ZCCHC24: variants seen among roughly 807,000 people sequenced by gnomAD.
ZCCHC24 encodes the protein zinc finger CCHC-type containing 24.
ZCCHC24 carries 10 observed loss-of-function variants against 26.2 expected under a neutral mutation model. The observed-to-expected ratio is 0.38, with a 90% confidence interval of 0.24 to 0.65. ZCCHC24 has a LOEUF of 0.65. Among genes scored for constraint, ZCCHC24 ranks in the 30% least tolerant of loss-of-function variants. The pLI, the probability that ZCCHC24 is intolerant of heterozygous loss-of-function variation, is 0.54. For missense variants in ZCCHC24, 243 were observed against 329.1 expected, an observed-to-expected ratio of 0.74 and a Z score of 2.03; for synonymous variants, 144 against 147.1, an observed-to-expected ratio of 0.98 and a Z score of 0.15.
rs183453425 is a variant in ZCCHC24 at position 79,405,156 on chromosome 10, G to A, written c.448-10716C>T. ...GCACCACACGCTTAGCTCCAGGAAA[G>A]GCGAGAGACATGATCTTCCCTAGGT... On this transcript the variant is annotated intron_variant, in intron 2 of 3. Coordinates refer to ENST00000372336, the MANE Select transcript of ZCCHC24 (RefSeq NM_153367.4). Among the ~76,000 whole-genome samples the A allele has an allele frequency of 3.1e-3, 354 of 114,978 alleles. 3 individuals are homozygous for A. The highest frequency in any genetic ancestry group is 0.014 in the South Asian group (47 of 3,306). The allele number at this position is 114,978 out of a possible 152,430, so 75.4% of individuals were successfully genotyped here. A position where few individuals can be genotyped will look rare whatever the true frequency, so the allele number is the denominator to read the frequency against.
chr10:79,439,470 A>C (rs1857261752), intron 1 of ZCCHC24, among the ~76,000 whole-genome samples: 1 of 152,198 alleles, frequency 6.6e-6, no homozygotes, highest in Non-Finnish European at 1.5e-5. Flanking sequence ...CCACGTAGAA[A>C]ACATTAACTA....
At chr10:79,420,774 AAAT>A (rs146644258) in intron 2 of ZCCHC24, among the ~76,000 whole-genome samples, 13 of 151,440 alleles carry the variant, frequency 8.6e-5, no homozygotes, top group East Asian at 5.8e-4. Context: ...TTCTATCTCA[AAAT>A]AATAATAATA....
rs1266656209 is a variant in ZCCHC24, at chr10:79,445,188, C to T, written c.246+7G>A. 5.7e-5 allele frequency: 73 copies of T among 1,276,908 alleles called. No individual in the cohort carries two copies. In the Admixed American group the frequency reaches 3.0e-3, roughly 52 times the overall value. 79.1% of individuals were successfully genotyped at this position (1,276,908 alleles called of 1,614,324 possible). ...GGCGGTGGGCGGGGGCGCGCGGGGG[C>T]ACCCACCTCTCCGCGCTGCAGCTGG... On this transcript the variant is annotated splice_region_variant and intron_variant, in intron 1 of 3. Transcript: ENST00000372336.
At chr10:79,424,354 C>T (rs1044990929) in intron 2 of ZCCHC24, among the ~76,000 whole-genome samples, 4 of 152,230 alleles carry the variant, frequency 2.6e-5, no homozygotes, top group African/African-American at 9.6e-5. Flanking sequence ...GGCGAGCCTA[C>T]CTGTTTATGC....
At position 79,392,433 on chromosome 10, in the gene ZCCHC24, T is replaced by C. The variant is rs370642686; in HGVS notation, c.612+1843A>G. ...GAAGCCTTGGATGTGAGGTTCTTCT[T>C]TGCACCATCCAACCCATGAAACTTC... On this transcript the variant is annotated intron_variant, in intron 3 of 3. Transcript: ENST00000372336. Among the ~76,000 whole-genome samples, 194 of 152,214 alleles carry C rather than the reference T, an allele frequency of 1.3e-3. 6 individuals are homozygous for C. The South Asian group carries it at 0.039, about 30-fold the overall frequency.
intron 2 of ZCCHC24, among the ~76,000 whole-genome samples, chr10:79,400,121 G>A (rs983084303): frequency 6.6e-6 from 1 of 152,164 alleles, no homozygotes; most frequent in Admixed American, 6.5e-5. Context: ...GGGCTGAACA[G>A]GTATATTTTC....
At chr10:79,418,198 G>T (rs1384835489) in intron 2 of ZCCHC24, among the ~76,000 whole-genome samples, 1 of 152,216 alleles carries the variant, frequency 6.6e-6, no homozygotes, top group Non-Finnish European at 1.5e-5. Flanking sequence ...TGGAGCAAAT[G>T]GTATAACTTC....
chr10:79,430,728 G>A (rs1293024348), intron 2 of ZCCHC24, among the ~76,000 whole-genome samples: 3 of 129,646 alleles, frequency 2.3e-5, no homozygotes, highest in Non-Finnish European at 3.3e-5. Flanking sequence ...TGCTATCCCC[G>A]GGCCTCTGGC....
chr10:79,413,075 T>A (rs768568097), intron 2 of ZCCHC24, among the ~76,000 whole-genome samples: 1 of 152,212 alleles, frequency 6.6e-6, no homozygotes, highest in Non-Finnish European at 1.5e-5. Context: ...TATGGAAGTC[T>A]ACCCAGACAC....
At chr10:79,392,903 C>T (rs1856498359) in intron 3 of ZCCHC24, among the ~76,000 whole-genome samples, 1 of 152,186 alleles carries the variant, frequency 6.6e-6, no homozygotes, top group African/African-American at 2.4e-5. Flanking sequence ...GGACCATCGC[C>T]TTATTGCCAG....
intron 2 of ZCCHC24, among the ~76,000 whole-genome samples, chr10:79,400,071 C>G (rs146208637): frequency 6.4e-4 from 97 of 152,326 alleles, no homozygotes; most frequent in African/African-American, 1.9e-3. Context: ...GCCAACCAGG[C>G]AGGTGTGGAG....
intron 2 of ZCCHC24, among the ~76,000 whole-genome samples, chr10:79,419,326 C>T (rs941683490): frequency 1.3e-5 from 2 of 152,228 alleles, no homozygotes; most frequent in Admixed American, 6.5e-5. Context: ...TTTCCACACA[C>T]ACTCTGCAAG....
chr10:79,396,566 C>G (rs1264224763), intron 2 of ZCCHC24, among the ~76,000 whole-genome samples: 2 of 152,216 alleles, frequency 1.3e-5, no homozygotes, highest in African/African-American at 4.8e-5. Flanking sequence ...AATGCAGGCT[C>G]TCCACAGTGG....
chr10:79,436,509 C>T (rs751278548), intron 1 of ZCCHC24, among the ~76,000 whole-genome samples: 10 of 152,192 alleles, frequency 6.6e-5, no homozygotes, highest in South Asian at 2.1e-4. Flanking sequence ...CAGGAGGGGG[C>T]GCAGGGATCA....
chr10:79,427,285 G>A (rs4979865), intron 2 of ZCCHC24, among the ~76,000 whole-genome samples: 145,976 of 152,270 alleles, frequency 0.96, 69,995 homozygotes, highest in East Asian at 1. Flanking sequence ...TAAAAGAACT[G>A]GGCAGAATAT....
At position 79,403,387 on chromosome 10, in the gene ZCCHC24, C is replaced by T. The variant is rs116829008; in HGVS notation, c.448-8947G>A. ...TCCTTCCCCTCTGTGCTCTGTGGTACTGCTTTAGGGACCAACCAAAGACCT... is the reference window on the plus strand; with the variant it reads ...TCCTTCCCCTCTGTGCTCTGTGGTATTGCTTTAGGGACCAACCAAAGACCT... On this transcript the variant is annotated intron_variant, in intron 2 of 3. Transcript: ENST00000372336. The T allele has an allele frequency of 4.0e-4, 394 of 985,484 alleles. 4 individuals carry two copies. The African/African-American group carries it at 6.6e-3, about 17-fold the overall frequency. The allele number at this position is 985,484 out of a possible 1,614,324, so 61.0% of individuals were successfully genotyped here. A position where few individuals can be genotyped will look rare whatever the true frequency, so the allele number is the denominator to read the frequency against.
At chr10:79,413,406 G>C (rs1159967079) in intron 2 of ZCCHC24, among the ~76,000 whole-genome samples, 2 of 152,270 alleles carry the variant, frequency 1.3e-5, no homozygotes, top group Non-Finnish European at 2.9e-5. Flanking sequence ...CCCGTCCTGG[G>C]GGAGTGGAAC....
intron 1 of ZCCHC24, among the ~76,000 whole-genome samples, chr10:79,438,566 A>C (rs1857249824): frequency 6.6e-6 from 1 of 152,198 alleles, no homozygotes; most frequent in Non-Finnish European, 1.5e-5. Context: ...TGGCCACGAC[A>C]GGCACAGCAA....
At chr10:79,432,529 G>C (rs1857146145) in intron 2 of ZCCHC24, 29 bp downstream of exon 2, 1 of 1,585,260 alleles carries the variant, frequency 6.3e-7, no homozygotes, top group Non-Finnish European at 8.6e-7. Flanking sequence ...GGGAGCCCAA[G>C]AGCACCCCCT....
Sources: allele counts gnomAD v4.1 joint callset (sites outside exome capture counted in the v4.1 genomes callset), GRCh38; gene constraint gnomAD v4.1.1; transcripts MANE v1.5; gene names NCBI Gene and HGNC (gene_info 2026-07-23, HGNC 2026-07-21).